Variants in IQUB observed in about 807,000 individuals in gnomAD.
IQUB encodes the protein IQ motif and ubiquitin-like domain-containing protein.
Under a neutral mutation model 86.4 loss-of-function variants are expected in IQUB, and 86 were observed. That is an observed-to-expected ratio of 1.00 (90% CI 0.84 to 1.19). The LOEUF (loss-of-function observed/expected upper bound fraction) is 1.19. Among genes scored for constraint, IQUB ranks in the 50% most tolerant of loss-of-function variants. The pLI is 0.00. For synonymous variants in IQUB, 289 were observed against 304.5 expected, an observed-to-expected ratio of 0.95 and a Z score of 0.53; for missense variants, 946 against 916.9, an observed-to-expected ratio of 1.03 and a Z score of -0.41.
chr7:123,529,887 G>T (rs1797447137), intron 1 of IQUB, among the ~76,000 whole-genome samples: 1 of 152,090 alleles, frequency 6.6e-6, no homozygotes, highest in Admixed American at 6.6e-5. Flanking sequence ...ACAAAAATTA[G>T]CTGGGCGTGG....
intron 8 of IQUB, among the ~76,000 whole-genome samples, chr7:123,476,006 G>A (rs983886060): frequency 2.0e-5 from 3 of 152,138 alleles, no homozygotes; most frequent in Non-Finnish European, 2.9e-5. Context: ...ATTTCTTGAT[G>A]ATACTTGGAA....
intron 8 of IQUB, among the ~76,000 whole-genome samples, chr7:123,471,178 GTAT>G (rs546133555): frequency 4.2e-4 from 64 of 152,186 alleles, no homozygotes; most frequent in African/African-American, 1.4e-3. Flanking sequence ...ATTAAATAAT[GTAT>G]TATTATCAGA....
At chr7:123,463,778 T>C (rs1272711590) in intron 10 of IQUB, among the ~76,000 whole-genome samples, 1 of 151,718 alleles carries the variant, frequency 6.6e-6, no homozygotes, top group Non-Finnish European at 1.5e-5. Flanking sequence ...AAGACAAATT[T>C]TAAAAATAAA....
At chr7:123,463,506 T>C (rs986619716) in intron 10 of IQUB, among the ~76,000 whole-genome samples, 28 of 151,774 alleles carry the variant, frequency 1.8e-4, no homozygotes, top group Non-Finnish European at 2.7e-4. Context: ...CCATGCAATA[T>C]GCTAAGTGAA....
intron 1 of IQUB, among the ~76,000 whole-genome samples, chr7:123,513,255 C>T (rs1796508078): frequency 1.3e-5 from 2 of 151,872 alleles, no homozygotes; most frequent in Non-Finnish European, 2.9e-5. Context: ...GAAATATCTG[C>T]AATAAAAATA....
chr7:123,497,866 C>T (rs1294772634), intron 6 of IQUB, among the ~76,000 whole-genome samples: 1 of 151,608 alleles, frequency 6.6e-6, no homozygotes, highest in Admixed American at 6.6e-5. Flanking sequence ...TAATCATGCA[C>T]TGGAGAAGCA....
chr7:123,480,319 A>T (rs971061645), intron 7 of IQUB, among the ~76,000 whole-genome samples: 1 of 152,138 alleles, frequency 6.6e-6, no homozygotes, highest in Non-Finnish European at 1.5e-5. Flanking sequence ...AGTACTTGTC[A>T]CAACGGGTAA....
At position 123,469,241 on chromosome 7, in the gene IQUB, C is replaced by A; in HGVS notation, c.1554G>T (p.Val518=). Residue 518 remains valine (V), a synonymous_variant, in exon 9 of 13, where the codon GTG becomes GTT. Coordinates refer to ENST00000324698, the MANE Select transcript of IQUB (RefSeq NM_178827.5). ...TTACAGTGTGTTTAAGAGTTAACAGCACATCCAGCCTCTCATCTTGGGAGA... is the reference window on the plus strand; with the variant it reads ...TTACAGTGTGTTTAAGAGTTAACAGAACATCCAGCCTCTCATCTTGGGAGA... ...KNISQDERLD[V]LLTLKHTVKE... The A allele has an allele frequency of 1.3e-6, 2 of 1,598,170 alleles. No individual in the cohort carries two copies. The highest frequency in any genetic ancestry group is 1.1e-5 in the South Asian group (1 of 87,612).
chr7:123,513,645 T>C (rs1796523935), intron 1 of IQUB, among the ~76,000 whole-genome samples: 2 of 152,166 alleles, frequency 1.3e-5, no homozygotes, highest in African/African-American at 4.8e-5. Flanking sequence ...AAAAATATTT[T>C]TATGTATTAT....
At chr7:123,529,255 T>A (rs994880107) in intron 1 of IQUB, among the ~76,000 whole-genome samples, 3 of 152,068 alleles carry the variant, frequency 2.0e-5, no homozygotes, top group African/African-American at 7.2e-5. Context: ...CATTTAAATT[T>A]GTTTATGATC....
At chr7:123,457,294 G>A in intron 12 of IQUB, 87 bp downstream of exon 12, 1 of 1,502,402 alleles carries the variant, frequency 6.7e-7, no homozygotes, top group South Asian at 1.3e-5. Flanking sequence ...AAGTATTTAA[G>A]CATGGAATAT....
At chr7:123,480,573 T>G (rs1374528070) in intron 7 of IQUB, among the ~76,000 whole-genome samples, 1 of 152,238 alleles carries the variant, frequency 6.6e-6, no homozygotes, top group East Asian at 1.9e-4. Flanking sequence ...CTCTCTCAAC[T>G]GATGAGGTGT....
chr7:123,493,954 C>A (rs1337790748), intron 7 of IQUB, among the ~76,000 whole-genome samples: 2 of 151,902 alleles, frequency 1.3e-5, no homozygotes, highest in Non-Finnish European at 1.5e-5. Context: ...CAATGGCATA[C>A]AAAGGGCAAC....
rs534260393 is a variant in IQUB, at chr7:123,523,332, G to C, written c.-4-10988C>G. 7.8e-5 allele frequency among the ~76,000 whole-genome samples: 11 copies of C among 140,660 alleles called. No homozygotes were observed. The East Asian group carries it at 1.9e-3, about 25-fold the overall frequency. 92.3% of individuals were successfully genotyped at this position (140,660 alleles called of 152,430 possible). ...ACAGTCCCACCAACAGTGTAAAAGT[G>C]TTCCTATTTCTCCACATCCTCTCCA... On this transcript the variant is annotated intron_variant, in intron 1 of 12. Transcript: ENST00000324698.
At chr7:123,482,963 A>G (rs1301207895) in intron 7 of IQUB, among the ~76,000 whole-genome samples, 1 of 152,158 alleles carries the variant, frequency 6.6e-6, no homozygotes, top group African/African-American at 2.4e-5. Flanking sequence ...ATTATTCTGA[A>G]CAAATATTCC....
At chr7:123,518,896 T>C (rs1049619011) in intron 1 of IQUB, among the ~76,000 whole-genome samples, 1 of 151,874 alleles carries the variant, frequency 6.6e-6, no homozygotes, top group Admixed American at 6.6e-5. Flanking sequence ...ACCTGGCCTG[T>C]TACTACAAAT....
chr7:123,452,919 C>CATATCCCTG lies in IQUB; in HGVS notation c.2194-3_2199dup (p.Tyr733_Glu734insGlnGlyTyr). The CATATCCCTG allele has an allele frequency of 6.2e-7, 1 of 1,603,778 alleles. No individual in the cohort carries two copies. On this transcript the variant is annotated inframe_insertion, in exon 13 of 13. Coordinates refer to ENST00000324698, the MANE Select transcript of IQUB (RefSeq NM_178827.5). ...TTGATCTTGTGAATAAATGAGCGTT[C>CATATCCCTG]ATATCCCTGCAAAGAAAAAAATCAA...
In IQUB at chr7:123,461,764, C is replaced by G. The variant is rs536206692; in HGVS notation, c.1759-159G>C. 2.2e-5 allele frequency: 13 copies of G among 581,426 alleles called. 1 individual carries two copies. The East Asian group carries it at 3.6e-4, about 16-fold the overall frequency. 36.0% of individuals were successfully genotyped at this position (581,426 alleles called of 1,614,324 possible). The stretch of plus-strand genomic sequence containing the variant: ...TTCTAAAATTTTATTTTTCCCTGAA[C>G]TTCTTATCCTACAGAAAATCTAAAT... On this transcript the variant is annotated intron_variant, in intron 10 of 12. Coordinates refer to ENST00000324698, the MANE Select transcript of IQUB (RefSeq NM_178827.5).
At chr7:123,473,472 A>AC (rs1278980039) in intron 8 of IQUB, among the ~76,000 whole-genome samples, 15 of 152,230 alleles carry the variant, frequency 9.9e-5, no homozygotes, top group East Asian at 3.8e-4. Context: ...TGGGTAAATA[A>AC]ACCCAAAGAT....
Sources: gnomAD v4.1 joint callset for allele counts (sites outside exome capture counted in the v4.1 genomes callset) on GRCh38, gnomAD v4.1.1 for gene constraint, MANE v1.5 for transcripts, NCBI Gene and HGNC (gene_info 2026-07-23, HGNC 2026-07-21) for gene names.